POLA1: variants seen among roughly 807,000 people sequenced by gnomAD.
POLA1 encodes the protein DNA polymerase alpha catalytic subunit.
In POLA1, 15 loss-of-function variants were observed where a neutral mutation model predicts 124.0. That is an observed-to-expected ratio of 0.12 (90% CI 0.08 to 0.19). The LOEUF (loss-of-function observed/expected upper bound fraction) is 0.19, where lower values mean the gene tolerates loss of function less well. POLA1 is among the 10% of genes least tolerant of loss of function. POLA1 has a pLI of 1.00. For synonymous variants in POLA1, 408 were observed against 389.4 expected (o/e 1.05, Z -0.56); for missense variants, 886 against 1,103.4 (o/e 0.80, Z 2.79).
At chrX:24,696,154 T>C (rs1927984216) in intron 1 of POLA1, among the ~76,000 whole-genome samples, 1 of 112,502 alleles carries the variant, frequency 8.9e-6, no homozygotes, top group Non-Finnish European at 1.9e-5. Context: ...GACATGATTA[T>C]CCCCATTTCA....
intron 35 of POLA1, among the ~76,000 whole-genome samples, chrX:24,909,018 C>G (rs1170444685): frequency 8.9e-6 from 1 of 112,166 alleles, no homozygotes; most frequent in African/African-American, 3.2e-5. Context: ...TGTCTTTTGT[C>G]TGCATAAATG....
At chrX:24,979,019 G>A (rs146876861) in intron 36 of POLA1, among the ~76,000 whole-genome samples, 1,147 of 111,950 alleles carry the variant, frequency 0.01, 8 homozygotes, top group Middle Eastern at 0.014. Flanking sequence ...TAAATTAGCC[G>A]CTTACTGTAA....
chrX:24,946,669 C>T (rs2047964755), intron 36 of POLA1, among the ~76,000 whole-genome samples: 1 of 111,652 alleles, frequency 9.0e-6, no homozygotes. Context: ...ATCTCTTTGT[C>T]CTCTAAACTC....
At chrX:24,893,459 G>T (rs1333690482) in intron 35 of POLA1, among the ~76,000 whole-genome samples, 1 of 111,784 alleles carries the variant, frequency 8.9e-6, no homozygotes, top group Non-Finnish European at 1.9e-5. Context: ...GAACCATGCA[G>T]TGGCATTTAG....
At chrX:24,905,522 T>C (rs1324532600) in intron 35 of POLA1, among the ~76,000 whole-genome samples, 1 of 107,231 alleles carries the variant, frequency 9.3e-6, no homozygotes, top group African/African-American at 3.4e-5. Context: ...AAGGCAGTTA[T>C]TATCCAAATG....
Position 24,703,295 on chromosome X carries a change from G to A in POLA1, c.213G>A (p.Gln71=), listed in dbSNP as rs780605817. The A allele has an allele frequency of 2.5e-6, 3 of 1,206,733 alleles. No individual in the cohort carries two copies. Among genetic ancestry groups the A allele is most frequent in the South Asian group, 1.8e-5 (1 of 56,611 alleles). Reference sequence around the variant, plus strand: ...TTTATGAAGAAGTTGATGAAGAACAGTATTCGAAGCTGGTTCAGGCACGCC... The same window carrying A: ...TTTATGAAGAAGTTGATGAAGAACAATATTCGAAGCTGGTTCAGGCACGCC... ...TGVYEEVDEE[Q]YSKLVQARQD... The change falls in exon 3 of 37, where the codon CAG becomes CAA. Residue 71 remains glutamine, a synonymous_variant. Transcript: ENST00000379068.
chrX:24,837,535 T>C (rs2046357162), intron 32 of POLA1, among the ~76,000 whole-genome samples: 1 of 112,206 alleles, frequency 8.9e-6, no homozygotes, highest in African/African-American at 3.2e-5. Flanking sequence ...CATTTTTGGC[T>C]ATTATGAATA....
intron 26 of POLA1, among the ~76,000 whole-genome samples, chrX:24,781,941 T>C (rs1290877595): frequency 8.9e-6 from 1 of 111,976 alleles, no homozygotes; most frequent in Non-Finnish European, 1.9e-5. Context: ...GAAGTCATCT[T>C]AGGTCTCTGG....
intron 36 of POLA1, among the ~76,000 whole-genome samples, chrX:24,987,354 G>A (rs2048490988): frequency 8.9e-6 from 1 of 111,747 alleles, no homozygotes; most frequent in Non-Finnish European, 1.9e-5. Context: ...CACAGAAACC[G>A]AGAAATGTAT....
chrX:24,785,042 G>T (rs2045337026), intron 26 of POLA1, among the ~76,000 whole-genome samples: 1 of 112,374 alleles, frequency 8.9e-6, no homozygotes, highest in Admixed American at 9.4e-5. Context: ...AAAGGCACTT[G>T]GCAGTTGGAG....
intron 34 of POLA1, among the ~76,000 whole-genome samples, chrX:24,862,570 TGTTA>T (rs1273036602): frequency 1.8e-5 from 2 of 111,262 alleles, no homozygotes; most frequent in African/African-American, 6.5e-5. Context: ...TTCTTCCCTG[TGTTA>T]GTTAATCTTT....
intron 26 of POLA1, among the ~76,000 whole-genome samples, chrX:24,791,270 G>A (rs1274014388): frequency 9.0e-6 from 1 of 111,689 alleles, no homozygotes; most frequent in Non-Finnish European, 1.9e-5. Context: ...CCTAGATGAG[G>A]TAGGAGATGT....
At chrX:24,973,256 G>C (rs754720413) in intron 36 of POLA1, among the ~76,000 whole-genome samples, 1 of 111,395 alleles carries the variant, frequency 9.0e-6, no homozygotes, top group Non-Finnish European at 1.9e-5. Context: ...TACTACTTGG[G>C]AGGCTGAGGC....
At chrX:24,875,480 G>A (rs1479828083) in intron 34 of POLA1, among the ~76,000 whole-genome samples, 4 of 112,019 alleles carry the variant, frequency 3.6e-5, no homozygotes, top group Non-Finnish European at 7.5e-5. Context: ...TATTTTCAAA[G>A]TGTAAAGAAG....
At chrX:24,807,714 C>T (rs972187550) in intron 26 of POLA1, among the ~76,000 whole-genome samples, 6 of 111,382 alleles carry the variant, frequency 5.4e-5, no homozygotes, top group Non-Finnish European at 7.5e-5. Flanking sequence ...GAGCTAATAA[C>T]GTAAAGCATC....
chrX:24,704,951 A>T (rs1342313263), intron 4 of POLA1, among the ~76,000 whole-genome samples: 1 of 110,365 alleles, frequency 9.1e-6, no homozygotes, highest in Non-Finnish European at 1.9e-5. Flanking sequence ...ATCATTGGCA[A>T]TTTTTTTTTG....
At chrX:24,906,900 G>T (rs776029366) in intron 35 of POLA1, among the ~76,000 whole-genome samples, 14 of 111,867 alleles carry the variant, frequency 1.3e-4, no homozygotes, top group African/African-American at 4.5e-4. Flanking sequence ...AAATTATCCA[G>T]TGTAGACGAG....
Position 24,741,424 on chromosome X carries a change from A to G in POLA1, c.2266A>G (p.Lys756Glu), listed in dbSNP as rs1382071173. Reference protein sequence around the residue: ...YLLEHTWKDAKFILQIMCELN... With the variant: ...YLLEHTWKDAEFILQIMCELN... The stretch of plus-strand genomic sequence containing the variant: ...GTTGGAACACACCTGGAAAGATGCC[A>G]AGTTCATTTTGCAGATCATGTGTGA... The change falls in exon 21 of 37, where the codon AAG (lysine) becomes GAG (glutamate). Residue 756 changes from lysine (K) to glutamate (E), a missense_variant. Around this residue, in one of 7 missense-constraint regions of POLA1, gnomAD observed 182 missense variants for 252.8 expected, o/e 0.72. Coordinates refer to ENST00000379068, the MANE Select transcript of POLA1 (RefSeq NM_001330360.2). 2 of 1,194,053 alleles carry G rather than the reference A, an allele frequency of 1.7e-6. No homozygotes were observed. The highest frequency in any genetic ancestry group is 1.8e-5 in the African/African-American group (1 of 56,813).
At position 24,727,825 on chromosome X, in the gene POLA1, G is replaced by A; in HGVS notation, c.1575G>A (p.Met525Ile). The A allele has an allele frequency of 8.3e-7, 1 of 1,208,239 alleles. No individual in the cohort carries two copies. The highest frequency in any genetic ancestry group is 1.1e-6 in the Non-Finnish European group (1 of 892,128). ...QPVSWCKVEA[M>I]ALKPDLVNVI... is the part of the protein sequence containing the mutation. The stretch of plus-strand genomic sequence containing the variant: ...TCAGTTGGTGTAAAGTTGAGGCAAT[G>A]GCTTTGAAACCAGACCTGGTGAATG... The change falls in exon 15 of 37, where the codon ATG becomes ATA. Residue 525 changes from methionine to isoleucine, a missense_variant. By Grantham distance (10) the Met-to-Ile change is conservative. Transcript: ENST00000379068.
Sources: gnomAD v4.1 joint callset for allele counts (sites outside exome capture counted in the v4.1 genomes callset) on GRCh38, gnomAD v4.1.1 for gene constraint, gnomAD v4.1.1 regional missense constraint, MANE v1.5 for transcripts, NCBI Gene and HGNC (gene_info 2026-07-23, HGNC 2026-07-21) for gene names.